The following PTPRT variants were observed in gnomAD, a reference collection of about 807,000 sequenced individuals.
PTPRT encodes protein tyrosine phosphatase receptor type T, also known as receptor-type tyrosine-protein phosphatase T.
PTPRT carries 56 observed loss-of-function variants against 176.8 expected under a neutral mutation model. The observed-to-expected ratio is 0.32, with a 90% CI of 0.26 to 0.40. PTPRT has a LOEUF of 0.40. Ranked by LOEUF, PTPRT falls within the 10% of genes least tolerant of loss-of-function variation. PTPRT has a pLI of 1.00. For synonymous variants in PTPRT, 783 were observed against 739.0 expected, an observed-to-expected ratio of 1.06 and a Z score of -0.96; for missense variants, 1,540 against 1,908.2, an observed-to-expected ratio of 0.81 and a Z score of 3.60.
chr20:42,071,133 G>C (rs1032064067), downstream of PTPRT, among the ~76,000 whole-genome samples: 1 of 152,152 alleles, frequency 6.6e-6, no homozygotes, highest in African/African-American at 2.4e-5. Context: ...TCCTCAGGCA[G>C]AAGAACCCTG....
chr20:43,143,063 G>C (rs539347628), intron 1 of PTPRT, among the ~76,000 whole-genome samples: 32 of 152,182 alleles, frequency 2.1e-4, no homozygotes, highest in African/African-American at 5.5e-4. Flanking sequence ...TTCAAACCGG[G>C]GGCACCTTCC....
At chr20:43,058,242 CAGAG>C (rs1003596875) in intron 1 of PTPRT, among the ~76,000 whole-genome samples, 1 of 151,466 alleles carries the variant, frequency 6.6e-6, no homozygotes, top group Non-Finnish European at 1.5e-5. Context: ...AGAGCAGACA[CAGAG>C]AGAGAAATGA....
At chr20:42,649,037 T>C (rs1471262429) in intron 7 of PTPRT, among the ~76,000 whole-genome samples, 1 of 151,906 alleles carries the variant, frequency 6.6e-6, no homozygotes, top group Non-Finnish European at 1.5e-5. Context: ...GCCAGGATGG[T>C]CTCAATCTCA....
chr20:42,489,540 C>T (rs983509137), intron 7 of PTPRT, among the ~76,000 whole-genome samples: 7 of 151,846 alleles, frequency 4.6e-5, no homozygotes, highest in African/African-American at 1.7e-4. Flanking sequence ...TCCCATTCCC[C>T]ACTCTCCTAC....
At chr20:42,971,283 G>C (rs1029648882) in intron 1 of PTPRT, 3 of 152,214 alleles carry the variant, frequency 2.0e-5, no homozygotes, top group African/African-American at 7.2e-5. Flanking sequence ...AGAGAAGCAA[G>C]TTCCCCACCC....
chr20:43,168,269 C>G (rs1205261592), intron 1 of PTPRT, among the ~76,000 whole-genome samples: 1 of 152,218 alleles, frequency 6.6e-6, no homozygotes, highest in Non-Finnish European at 1.5e-5. Flanking sequence ...CACATCTTCC[C>G]CTTTGATGCA....
At position 42,084,701 on chromosome 20, in the gene PTPRT, G is replaced by A. The variant is rs1305277749; in HGVS notation, c.4117C>T (p.Arg1373Cys). 2.6e-6 allele frequency: 4 copies of A among 1,541,786 alleles called. No homozygotes were observed. Among genetic ancestry groups the A allele is most frequent in the South Asian group, 1.3e-5 (1 of 75,282 alleles). ...ACTCACAGGCAGTGGACCACAGTAC[G>A]TCCCTCCCTCCCGTCATACTGCTCC... ...WQEQYDGREGRTVVHCLNGGG... is the reference protein window; with the variant it reads ...WQEQYDGREGCTVVHCLNGGG... Residue 1373 changes from arginine to cysteine, a missense_variant, in exon 29 of 31, where the codon CGT (arginine) becomes TGT (cysteine). Coordinates refer to ENST00000373187, the MANE Select transcript of PTPRT (RefSeq NM_007050.6).
At chr20:42,192,164 C>A (rs537463796) in intron 16 of PTPRT, among the ~76,000 whole-genome samples, 4 of 152,232 alleles carry the variant, frequency 2.6e-5, no homozygotes, top group Non-Finnish European at 5.9e-5. Context: ...ATGTAGCAAT[C>A]CTTGACATCA....
intron 2 of PTPRT, among the ~76,000 whole-genome samples, chr20:42,863,168 T>C (rs2078690563): frequency 6.6e-6 from 1 of 152,234 alleles, no homozygotes; most frequent in African/African-American, 2.4e-5. Flanking sequence ...CTCCTCATGA[T>C]GACACCTGGC....
chr20:42,972,347 G>A lies in PTPRT; in HGVS notation c.89-86415C>T, dbSNP rs190101946. Among the ~76,000 whole-genome samples, 764 of 151,664 alleles carry A rather than the reference G, an allele frequency of 5.0e-3. 5 individuals are homozygous for A. Among genetic ancestry groups the A allele is most frequent in the Non-Finnish European group, 7.1e-3 (479 of 67,852 alleles). ...GACAGGTGGGAAGGAGCCAGGTGAT[G>A]TGGGGCTCTACAAGTCAGAATAAAG... On this transcript the variant is annotated intron_variant, in intron 1 of 30. Transcript: ENST00000373187.
At chr20:42,117,613 A>G (rs976397658) in intron 21 of PTPRT, among the ~76,000 whole-genome samples, 1 of 152,096 alleles carries the variant, frequency 6.6e-6, no homozygotes, top group Non-Finnish European at 1.5e-5. Context: ...ATTGAGTAAG[A>G]TGAGAAGAGA....
intron 6 of PTPRT, among the ~76,000 whole-genome samples, chr20:42,732,187 T>C (rs564772921): frequency 2.0e-4 from 31 of 152,324 alleles, no homozygotes; most frequent in Non-Finnish European, 4.1e-4. Context: ...TAAAATTCCA[T>C]TCCTCAGCCA....
At chr20:42,617,862 C>T (rs2074112344) in intron 7 of PTPRT, among the ~76,000 whole-genome samples, 1 of 138,134 alleles carries the variant, frequency 7.2e-6, no homozygotes. Context: ...AGTGGTCTAT[C>T]AATTTTGTTG....
chr20:42,690,565 A>T (rs941491446), intron 6 of PTPRT, among the ~76,000 whole-genome samples: 2 of 151,992 alleles, frequency 1.3e-5, no homozygotes, highest in Non-Finnish European at 2.9e-5. Context: ...TCTCCCCTTG[A>T]CCTCCACAAT....
chr20:42,707,667 C>A (rs6093722), intron 6 of PTPRT, among the ~76,000 whole-genome samples: 1 of 152,260 alleles, frequency 6.6e-6, no homozygotes, highest in Non-Finnish European at 1.5e-5. Flanking sequence ...AAGGATGAGC[C>A]TAGAGCTAGG....
At chr20:42,098,778 G>A (rs1042570314) in intron 26 of PTPRT, among the ~76,000 whole-genome samples, 2 of 152,248 alleles carry the variant, frequency 1.3e-5, no homozygotes, top group South Asian at 4.1e-4. Context: ...GTGTCACTGG[G>A]ATGGGATTAT....
chr20:42,454,821 G>C (rs1882366191), intron 8 of PTPRT, among the ~76,000 whole-genome samples: 1 of 152,204 alleles, frequency 6.6e-6, no homozygotes, highest in Admixed American at 6.5e-5. Context: ...AGCAGACACT[G>C]TTGATGGCCT....
chr20:42,226,783 C>T (rs749379217), intron 15 of PTPRT, among the ~76,000 whole-genome samples: 15 of 152,112 alleles, frequency 9.9e-5, no homozygotes, highest in Admixed American at 2.0e-4. Context: ...CTGGCTGGAT[C>T]AGCAAAAGGG....
At chr20:42,473,704 G>C (rs2071238780) in intron 7 of PTPRT, among the ~76,000 whole-genome samples, 1 of 152,034 alleles carries the variant, frequency 6.6e-6, no homozygotes, top group Non-Finnish European at 1.5e-5. Flanking sequence ...CAAACTCCTG[G>C]GCTCAAGTGA....
Sources: allele counts gnomAD v4.1 joint callset (sites outside exome capture counted in the v4.1 genomes callset), GRCh38; gene constraint gnomAD v4.1.1; transcripts MANE v1.5; gene names NCBI Gene and HGNC (gene_info 2026-07-23, HGNC 2026-07-21).